The following MYO10 variants were observed in gnomAD, a reference collection of about 807,000 sequenced individuals.
The protein encoded by MYO10 is unconventional myosin-X.
MYO10 carries 133 observed loss-of-function variants against 257.3 expected under a neutral mutation model. The ratio of observed to expected loss-of-function variants is 0.52; its 90% CI spans 0.45 to 0.60. MYO10 has a LOEUF of 0.60. MYO10 is among the 20% of genes least tolerant of loss of function. The pLI is 0.00. For synonymous variants in MYO10, 1,104 were observed against 1,028.6 expected, an observed-to-expected ratio of 1.07 and a Z score of -1.40; for missense variants, 2,399 against 2,635.7, an observed-to-expected ratio of 0.91 and a Z score of 1.97.
At chr5:16,854,292 T>C (rs960445632) in intron 2 of MYO10, among the ~76,000 whole-genome samples, 7 of 152,238 alleles carry the variant, frequency 4.6e-5, no homozygotes, top group Non-Finnish European at 1.0e-4. Context: ...TCTTTTTCTT[T>C]TCTTCTTAGG....
At chr5:16,750,337 G>A (rs1422930007) in intron 19 of MYO10, among the ~76,000 whole-genome samples, 4 of 151,794 alleles carry the variant, frequency 2.6e-5, no homozygotes, top group African/African-American at 4.8e-5. Flanking sequence ...TGACATATGC[G>A]TTCAGCATTT....
rs371038618 is a variant in MYO10, at chr5:16,699,182, C to A, written c.3556+268G>T. ...CAGTGGTTGCAAATGCTTCGTCCTG[C>A]CACTCTGCACCAAACCAGGGGAGTC... On this transcript the variant is annotated intron_variant, in intron 26 of 40. Coordinates refer to ENST00000513610, the MANE Select transcript of MYO10 (RefSeq NM_012334.3). Among the ~76,000 whole-genome samples the A allele has an allele frequency of 3.5e-4, 53 of 152,196 alleles. No homozygotes were observed. The East Asian group carries it at 9.5e-3, about 27-fold the overall frequency.
Position 16,679,950 on chromosome 5 carries a change from G to A in MYO10, c.4539C>T (p.Ile1513=). ...DTPTQQLIQD[I]KENCLNSDVV... ...TGATGGGCTTGTCTTGGCTTACCTT[G>A]ATATCTTGAATCAGCTGCTGGGTGG... The change falls in exon 33 of 41, where the codon ATC becomes ATT. Residue 1513 remains isoleucine (I), a synonymous_variant. Transcript: ENST00000513610. 1 of 1,613,570 alleles carries A rather than the reference G, an allele frequency of 6.2e-7. No homozygotes were observed.
intron 3 of MYO10, among the ~76,000 whole-genome samples, chr5:16,813,365 T>TA (rs1276754678): frequency 1.3e-5 from 2 of 151,690 alleles, no homozygotes; most frequent in African/African-American, 4.8e-5. Flanking sequence ...TTAAAAAAAT[T>TA]AAAAAAACTT....
chr5:16,737,745 G>A (rs954172039), intron 19 of MYO10, among the ~76,000 whole-genome samples: 8 of 152,158 alleles, frequency 5.3e-5, no homozygotes, highest in African/African-American at 1.7e-4. Flanking sequence ...GTTGAGAGAG[G>A]AGAGTGTTAC....
intron 1 of MYO10, among the ~76,000 whole-genome samples, chr5:16,884,125 T>C (rs1042246266): frequency 6.6e-6 from 1 of 152,216 alleles, no homozygotes; most frequent in Non-Finnish European, 1.5e-5. Context: ...GCACAGTGCC[T>C]CATGCCTGTA....
intron 2 of MYO10, among the ~76,000 whole-genome samples, chr5:16,856,997 AATG>A (rs1228465274): frequency 2.0e-5 from 3 of 152,256 alleles, no homozygotes; most frequent in Non-Finnish European, 4.4e-5. Flanking sequence ...TATCATGGCA[AATG>A]ATAAGTTAAC....
At chr5:16,879,861 C>T (rs984722292) in intron 1 of MYO10, among the ~76,000 whole-genome samples, 3 of 152,172 alleles carry the variant, frequency 2.0e-5, no homozygotes, top group Admixed American at 6.5e-5. Flanking sequence ...TCCCTCAGTG[C>T]CCATGATAAC....
intron 6 of MYO10, 133 bp from the exon 7 acceptor site, chr5:16,780,874 G>A: frequency 1.1e-6 from 1 of 880,892 alleles, no homozygotes; most frequent in Non-Finnish European, 1.7e-6. Context: ...GAAGCTTCCA[G>A]TGCCAACAGA....
intron 19 of MYO10, among the ~76,000 whole-genome samples, chr5:16,716,163 T>C (rs927738532): frequency 2.0e-5 from 3 of 152,104 alleles, no homozygotes; most frequent in African/African-American, 7.2e-5. Flanking sequence ...ACGAAATCTA[T>C]GTAGTTTTAA....
chr5:16,663,885 C>T lies in MYO10; in HGVS notation c.*2807G>A, dbSNP rs1736063077. 3 of 106,418 alleles carry T rather than the reference C, an allele frequency of 2.8e-5. No individual in the cohort carries two copies. The highest frequency in any genetic ancestry group is 1.2e-4 in the African/African-American group (3 of 26,000). 6.6% of individuals were successfully genotyped at this position (106,418 alleles called of 1,614,324 possible). A position where few individuals can be genotyped will look rare whatever the true frequency, so the allele number is the denominator to read the frequency against. On this transcript the variant is annotated 3_prime_UTR_variant, in exon 41 of 41. Transcript: ENST00000513610. Reference sequence around the variant, plus strand: ...ACTTGAGCATCTGTGAATTTTGTATCCTCAGGGGTGGGGGGAGGGGGTCCT... The same window carrying T: ...ACTTGAGCATCTGTGAATTTTGTATTCTCAGGGGTGGGGGGAGGGGGTCCT...
intron 3 of MYO10, among the ~76,000 whole-genome samples, chr5:16,801,729 G>A (rs559242028): frequency 2.6e-5 from 4 of 152,136 alleles, no homozygotes; most frequent in Admixed American, 1.3e-4. Context: ...GGCATCTGCT[G>A]TTTTCAAGAT....
At chr5:16,932,611 T>C (rs1354680994) in intron 1 of MYO10, among the ~76,000 whole-genome samples, 1 of 152,168 alleles carries the variant, frequency 6.6e-6, no homozygotes. Context: ...AGCCATAAAA[T>C]TCTAATGAAG....
intron 3 of MYO10, among the ~76,000 whole-genome samples, chr5:16,816,947 G>C (rs374358623): frequency 6.6e-6 from 1 of 152,122 alleles, no homozygotes. Flanking sequence ...AGCCTCCTGA[G>C]TAGCCGGGAT....
At chr5:16,714,572 TCATAAAAATGTCATGCAGCCAATAAGAC>T (rs572652858) in intron 19 of MYO10, among the ~76,000 whole-genome samples, 83 of 152,262 alleles carry the variant, frequency 5.5e-4, no homozygotes, top group African/African-American at 1.9e-3. Flanking sequence ...ACCACGCACG[TCATAAAAATGTCATGCAGCCAATAAGAC>T]CAAATGCAGG....
At chr5:16,778,347 G>A (rs912112635) in intron 9 of MYO10, among the ~76,000 whole-genome samples, 14 of 152,140 alleles carry the variant, frequency 9.2e-5, no homozygotes, top group Non-Finnish European at 1.6e-4. Context: ...TAATGCTCAC[G>A]CAACCAGAAA....
intron 18 of MYO10, among the ~76,000 whole-genome samples, chr5:16,756,956 C>G (rs367545614): frequency 1.3e-5 from 2 of 151,530 alleles, no homozygotes; most frequent in East Asian, 3.9e-4. Context: ...TAAAAATTAG[C>G]CGGGTATGAA....
chr5:16,787,899 A>C (rs1741636880), intron 4 of MYO10, among the ~76,000 whole-genome samples: 1 of 152,086 alleles, frequency 6.6e-6, no homozygotes, highest in Non-Finnish European at 1.5e-5. Context: ...CCCAGGTTCA[A>C]GCGATTCTCC....
intron 3 of MYO10, among the ~76,000 whole-genome samples, chr5:16,797,917 A>G (rs1742016221): frequency 6.6e-6 from 1 of 152,246 alleles, no homozygotes; most frequent in South Asian, 2.1e-4. Context: ...TGCCATTGTA[A>G]CAGTATTAGG....
Sources: allele counts gnomAD v4.1 joint callset (sites outside exome capture counted in the v4.1 genomes callset), GRCh38; gene constraint gnomAD v4.1.1; transcripts MANE v1.5; gene names NCBI Gene and HGNC (gene_info 2026-07-23, HGNC 2026-07-21).